The following CTNNA3 variants were observed in gnomAD, a reference collection of about 807,000 sequenced individuals.
The protein encoded by CTNNA3 is catenin alpha-3.
A neutral mutation model predicts 95.7 loss-of-function variants in CTNNA3; 76 were observed. The ratio of observed to expected loss-of-function variants is 0.79; its 90% CI spans 0.66 to 0.96. The LOEUF is 0.96. Ranked by LOEUF, CTNNA3 falls within the 40% of genes least tolerant of loss-of-function variation. The pLI is 0.00. For missense variants in CTNNA3, 1,191 were observed against 1,089.8 expected (o/e 1.09, Z -1.31); for synonymous variants, 431 against 374.4 (o/e 1.15, Z -1.74).
chr10:67,256,633 T>C (rs1038117962), intron 5 of CTNNA3, among the ~76,000 whole-genome samples: 1 of 152,180 alleles, frequency 6.6e-6, no homozygotes, highest in African/African-American at 2.4e-5. Context: ...ATCTAGATTT[T>C]CTTAGAGTGA....
intron 5 of CTNNA3, among the ~76,000 whole-genome samples, chr10:67,511,069 T>G (rs932797422): frequency 1.3e-5 from 2 of 152,210 alleles, no homozygotes; most frequent in Non-Finnish European, 2.9e-5. Context: ...CTGAAGTTTT[T>G]TATCAGCTTA....
intron 13 of CTNNA3, among the ~76,000 whole-genome samples, chr10:66,180,325 G>C (rs2085974769): frequency 6.6e-6 from 1 of 152,112 alleles, no homozygotes; most frequent in Non-Finnish European, 1.5e-5. Flanking sequence ...GAATACAAAA[G>C]ATGAAATGGT....
At chr10:66,929,086 G>C (rs1230428210) in intron 7 of CTNNA3, among the ~76,000 whole-genome samples, 1 of 152,160 alleles carries the variant, frequency 6.6e-6, no homozygotes, top group Non-Finnish European at 1.5e-5. Context: ...AGTGATGAAG[G>C]GTTAAAATAC....
chr10:67,635,669 T>C (rs952253378), intron 2 of CTNNA3, among the ~76,000 whole-genome samples: 2 of 151,896 alleles, frequency 1.3e-5, no homozygotes, highest in African/African-American at 4.8e-5. Context: ...GGAATATACC[T>C]CAAAAAAATA....
chr10:67,439,681 A>G (rs765610668), intron 5 of CTNNA3, among the ~76,000 whole-genome samples: 2 of 152,172 alleles, frequency 1.3e-5, no homozygotes, highest in Non-Finnish European at 2.9e-5. Context: ...TCAGACCCCC[A>G]TTCCAGTCCG....
intron 7 of CTNNA3, among the ~76,000 whole-genome samples, chr10:66,936,892 A>C (rs1847732339): frequency 6.6e-6 from 1 of 152,268 alleles, no homozygotes; most frequent in East Asian, 1.9e-4. Context: ...GCTAAAGGTA[A>C]GAAAGTTATA....
At chr10:67,677,708 GAAATGCAGCAC>G (rs1840559790) in intron 1 of CTNNA3, among the ~76,000 whole-genome samples, 1 of 152,084 alleles carries the variant, frequency 6.6e-6, no homozygotes, top group Admixed American at 6.6e-5. Flanking sequence ...TTGAGTCGCA[GAAATGCAGCAC>G]AGGATGAGAG....
At chr10:66,977,083 T>C (rs553984402) in intron 7 of CTNNA3, among the ~76,000 whole-genome samples, 24 of 152,190 alleles carry the variant, frequency 1.6e-4, no homozygotes, top group African/African-American at 5.5e-4. Context: ...TATAAATCAA[T>C]GGGAAAATAG....
At chr10:67,601,285 G>A (rs560713705) in intron 3 of CTNNA3, among the ~76,000 whole-genome samples, 2 of 152,156 alleles carry the variant, frequency 1.3e-5, no homozygotes, top group South Asian at 4.1e-4. Context: ...ATGGTGGATG[G>A]GGGGAATGGG....
chr10:67,305,889 A>G (rs1840534157), intron 5 of CTNNA3, among the ~76,000 whole-genome samples: 1 of 152,192 alleles, frequency 6.6e-6, no homozygotes, highest in Non-Finnish European at 1.5e-5. Flanking sequence ...AGAAAACACA[A>G]GAAAAACTAT....
At position 67,074,514 on chromosome 10, in the gene CTNNA3, C is replaced by G. The variant is rs181251048; in HGVS notation, c.1047+105803G>C. ...TACAGGCGCCCACCACCACGCCCGGCTAATTTTCTGTATTTTTAGTAGAGA... is the reference window on the plus strand; with the variant it reads ...TACAGGCGCCCACCACCACGCCCGGGTAATTTTCTGTATTTTTAGTAGAGA... On this transcript the variant is annotated intron_variant, in intron 7 of 17. Transcript: ENST00000433211. Among the ~76,000 whole-genome samples the G allele has an allele frequency of 1.9e-3, 291 of 151,862 alleles. 1 individual carries two copies. Among genetic ancestry groups the G allele is most frequent in the African/African-American group, 6.9e-3 (286 of 41,410 alleles).
chr10:66,759,799 A>T (rs1185105726), intron 9 of CTNNA3, among the ~76,000 whole-genome samples: 1 of 152,200 alleles, frequency 6.6e-6, no homozygotes, highest in Admixed American at 6.5e-5. Flanking sequence ...GCATAAAAAG[A>T]AATATAAAAT....
chr10:66,575,155 G>A (rs61867463), intron 10 of CTNNA3, among the ~76,000 whole-genome samples: 23 of 151,932 alleles, frequency 1.5e-4, no homozygotes, highest in African/African-American at 5.1e-4. Context: ...TCTTTTCTCC[G>A]GAAGAGAGGC....
At chr10:67,576,163 A>G (rs750164280) in intron 3 of CTNNA3, among the ~76,000 whole-genome samples, 4 of 152,190 alleles carry the variant, frequency 2.6e-5, no homozygotes, top group Non-Finnish European at 5.9e-5. Context: ...GTTATTATAC[A>G]TAGACTTTAG....
intron 9 of CTNNA3, among the ~76,000 whole-genome samples, chr10:66,667,395 G>A (rs989639831): frequency 2.6e-5 from 4 of 152,082 alleles, no homozygotes; most frequent in African/African-American, 9.7e-5. Context: ...CAGAAACAAC[G>A]TTAAGAGAAC....
chr10:67,226,967 C>G (rs1864949538), intron 5 of CTNNA3, among the ~76,000 whole-genome samples: 1 of 152,154 alleles, frequency 6.6e-6, no homozygotes, highest in Non-Finnish European at 1.5e-5. Flanking sequence ...GAAGAACTCA[C>G]CAACCAACCA....
intron 13 of CTNNA3, among the ~76,000 whole-genome samples, chr10:66,175,860 T>G (rs1364836884): frequency 6.6e-6 from 1 of 152,194 alleles, no homozygotes; most frequent in East Asian, 1.9e-4. Flanking sequence ...GTTAAACTTA[T>G]GCTGATGCTG....
intron 1 of CTNNA3, among the ~76,000 whole-genome samples, chr10:67,726,501 AAT>A (rs1459748197): frequency 0.011 from 604 of 55,958 alleles, 15 homozygotes; most frequent in African/African-American, 0.017. Context: ...TACAATATAT[AAT>A]ATATTATATA....
intron 1 of CTNNA3, among the ~76,000 whole-genome samples, chr10:67,758,153 C>T (rs868821057): frequency 1.3e-5 from 2 of 152,152 alleles, no homozygotes; most frequent in Non-Finnish European, 2.9e-5. Context: ...GGTTTTTGAG[C>T]TTTCAGACCC....
Sources: allele counts gnomAD v4.1 joint callset (sites outside exome capture counted in the v4.1 genomes callset), GRCh38; gene constraint gnomAD v4.1.1; transcripts MANE v1.5; gene names NCBI Gene and HGNC (gene_info 2026-07-23, HGNC 2026-07-21).